IL1RAPL2: variants seen among roughly 807,000 people sequenced by gnomAD.
The protein encoded by IL1RAPL2 is interleukin 1 receptor accessory protein like 2, also known as X-linked interleukin-1 receptor accessory protein-like 2.
Under a neutral mutation model 44.1 loss-of-function variants are expected in IL1RAPL2, and 3 were observed. The ratio of observed to expected loss-of-function variants is 0.07; its 90% CI spans 0.03 to 0.18. The LOEUF (loss-of-function observed/expected upper bound fraction) is 0.18, where lower values mean the gene tolerates loss of function less well. Among genes scored for constraint, IL1RAPL2 ranks in the 10% least tolerant of loss-of-function variants. The pLI is 1.00. For missense variants in IL1RAPL2, 391 were observed against 496.4 expected (o/e 0.79, Z 2.02); for synonymous variants, 181 against 178.8 (o/e 1.01, Z -0.10).
chrX:105,545,899 G>A (rs2036792961), intron 6 of IL1RAPL2, among the ~76,000 whole-genome samples: 1 of 111,767 alleles, frequency 8.9e-6, no homozygotes, highest in African/African-American at 3.3e-5. Flanking sequence ...TGCCAGAAGT[G>A]TGTAGCTAGC....
At chrX:105,202,679 A>G (rs1556147412) in intron 3 of IL1RAPL2, among the ~76,000 whole-genome samples, 1 of 111,788 alleles carries the variant, frequency 8.9e-6, no homozygotes, top group East Asian at 2.8e-4. Flanking sequence ...CTTCCCATCT[A>G]GCATAGTTCC....
At chrX:105,192,269 A>T (rs1556137727) in intron 2 of IL1RAPL2, among the ~76,000 whole-genome samples, 1 of 112,066 alleles carries the variant, frequency 8.9e-6, no homozygotes, top group Non-Finnish European at 1.9e-5. Flanking sequence ...ATTACTTTTA[A>T]TGGCACTTGG....
At chrX:105,046,256 T>C (rs963884622) in intron 2 of IL1RAPL2, among the ~76,000 whole-genome samples, 1 of 111,771 alleles carries the variant, frequency 8.9e-6, no homozygotes, top group Non-Finnish European at 1.9e-5. Context: ...AAAGCAAATA[T>C]GGCTTGAAGT....
At chrX:105,254,709 C>G (rs146046519) in intron 4 of IL1RAPL2, among the ~76,000 whole-genome samples, 2,236 of 111,659 alleles carry the variant, frequency 0.02, 50 homozygotes, top group African/African-American at 0.069. Context: ...ATTCATTAAA[C>G]CATTTTGAGT....
chrX:105,287,463 C>A (rs1030574349), intron 5 of IL1RAPL2, among the ~76,000 whole-genome samples: 3 of 111,569 alleles, frequency 2.7e-5, no homozygotes, highest in Admixed American at 1.9e-4. Flanking sequence ...TCAAGATTTT[C>A]TCTTCATCTT....
intron 6 of IL1RAPL2, among the ~76,000 whole-genome samples, chrX:105,669,817 C>A (rs1248731109): frequency 9.1e-6 from 1 of 109,698 alleles, no homozygotes; most frequent in Non-Finnish European, 1.9e-5. Context: ...AACTTCTCTC[C>A]ATTTCTGTAA....
At chrX:104,695,495 A>G (rs927395157) in intron 2 of IL1RAPL2, among the ~76,000 whole-genome samples, 1 of 111,035 alleles carries the variant, frequency 9.0e-6, no homozygotes, top group African/African-American at 3.3e-5. Flanking sequence ...GCATATGACT[A>G]AGGGAAGACT....
intron 2 of IL1RAPL2, among the ~76,000 whole-genome samples, chrX:104,876,137 T>C (rs1181851062): frequency 9.0e-6 from 1 of 111,383 alleles, no homozygotes; most frequent in Non-Finnish European, 1.9e-5. Context: ...TTAATTTGGC[T>C]TGATAATGAA....
At chrX:104,976,435 A>G (rs991356231) in intron 2 of IL1RAPL2, among the ~76,000 whole-genome samples, 1 of 112,243 alleles carries the variant, frequency 8.9e-6, no homozygotes, top group Non-Finnish European at 1.9e-5. Flanking sequence ...AAATATGACA[A>G]AAAAGGGTTT....
intron 5 of IL1RAPL2, among the ~76,000 whole-genome samples, chrX:105,324,430 T>G (rs2034920032): frequency 8.9e-6 from 1 of 111,745 alleles, no homozygotes; most frequent in East Asian, 2.8e-4. Flanking sequence ...AGCATCCCCA[T>G]GAAACCTTTT....
chrX:105,051,633 G>A (rs1203209355), intron 2 of IL1RAPL2, among the ~76,000 whole-genome samples: 1 of 113,090 alleles, frequency 8.8e-6, no homozygotes, highest in African/African-American at 3.2e-5. Context: ...CGGTTTGGGC[G>A]ACTGCCCCTG....
At chrX:104,875,347 T>A (rs1293283162) in intron 2 of IL1RAPL2, among the ~76,000 whole-genome samples, 1 of 111,369 alleles carries the variant, frequency 9.0e-6, no homozygotes, top group Non-Finnish European at 1.9e-5. Context: ...ACACTGAGGA[T>A]ACCAAAAATA....
intron 1 of IL1RAPL2, among the ~76,000 whole-genome samples, chrX:104,652,042 G>T (rs976056860): frequency 8.9e-5 from 10 of 112,125 alleles, no homozygotes; most frequent in Non-Finnish European, 1.7e-4. Flanking sequence ...CAAATAAGCA[G>T]GTTGCCACTC....
chrX:104,696,484 G>GA (rs1350587200), intron 2 of IL1RAPL2, among the ~76,000 whole-genome samples: 7 of 111,999 alleles, frequency 6.3e-5, no homozygotes, highest in Admixed American at 2.8e-4. Context: ...ATTAAAGTTT[G>GA]AAAAACACTG....
At chrX:104,944,101 A>G (rs975858595) in intron 2 of IL1RAPL2, among the ~76,000 whole-genome samples, 2 of 111,599 alleles carry the variant, frequency 1.8e-5, no homozygotes, top group Non-Finnish European at 3.8e-5. Context: ...CTAATGTACA[A>G]TTTATGACAA....
intron 2 of IL1RAPL2, among the ~76,000 whole-genome samples, chrX:104,660,284 G>T (rs151111307): frequency 0.02 from 2,175 of 110,255 alleles, 31 homozygotes; most frequent in Admixed American, 0.042. Context: ...GATAGTTGCT[G>T]AAATAAAATA....
At chrX:104,752,275 G>A (rs1021060580) in intron 2 of IL1RAPL2, among the ~76,000 whole-genome samples, 33 of 105,973 alleles carry the variant, frequency 3.1e-4, no homozygotes, top group Non-Finnish European at 2.1e-4. Context: ...TAATGTTGGC[G>A]TGAGAGTGTG....
chrX:105,709,421 T>C (rs1471051106), intron 6 of IL1RAPL2, among the ~76,000 whole-genome samples: 6 of 111,925 alleles, frequency 5.4e-5, no homozygotes, highest in Non-Finnish European at 1.1e-4. Context: ...CAGAAGGAAC[T>C]AATGACTGGC....
intron 6 of IL1RAPL2, among the ~76,000 whole-genome samples, chrX:105,629,670 A>G (rs775983182): frequency 5.4e-5 from 6 of 111,992 alleles, no homozygotes; most frequent in African/African-American, 1.9e-4. Context: ...AAAAACCCAC[A>G]TAAACACATG....
Sources: allele counts gnomAD v4.1 joint callset (sites outside exome capture counted in the v4.1 genomes callset), GRCh38; gene constraint gnomAD v4.1.1; transcripts MANE v1.5; gene names NCBI Gene and HGNC (gene_info 2026-07-23, HGNC 2026-07-21).